The following MARCHF1 variants were observed in gnomAD, a reference collection of about 807,000 sequenced individuals.
MARCHF1 encodes E3 ubiquitin-protein ligase MARCHF1.
Under a neutral mutation model 54.2 loss-of-function variants are expected in MARCHF1, and 40 were observed. That is an observed-to-expected ratio of 0.74 (90% CI 0.57 to 0.96). The LOEUF is 0.96. Ranked by LOEUF, MARCHF1 falls within the 40% of genes least tolerant of loss-of-function variation. The pLI is 0.00. For missense variants in MARCHF1, 586 were observed against 656.5 expected (o/e 0.89, Z 1.17); for synonymous variants, 236 against 236.3 (o/e 1.00, Z 0.01).
intron 1 of MARCHF1, among the ~76,000 whole-genome samples, chr4:164,322,622 C>T (rs1735171362): frequency 6.6e-6 from 1 of 151,978 alleles, no homozygotes; most frequent in African/African-American, 2.4e-5. Context: ...ATGGATACTC[C>T]ATTCTTCATG....
intron 1 of MARCHF1, among the ~76,000 whole-genome samples, chr4:164,281,498 G>T (rs1734024904): frequency 6.6e-6 from 1 of 152,090 alleles, no homozygotes; most frequent in Non-Finnish European, 1.5e-5. Context: ...TGAGAGATAA[G>T]TCTAAGTGTT....
chr4:164,106,984 G>C lies in MARCHF1; in HGVS notation c.-248+4604C>G, dbSNP rs144905381. Among the ~76,000 whole-genome samples the C allele has an allele frequency of 7.0e-3, 1,062 of 152,172 alleles. 12 individuals carry two copies. The highest frequency in any genetic ancestry group is 0.014 in the East Asian group (73 of 5,164). On this transcript the variant is annotated intron_variant, in intron 2 of 9. Transcript: ENST00000514618. ...GATCTTTGCTATAGTTTACAAAGTC[G>C]TATTGAGGATACAGGCTATTATGTT...
intron 3 of MARCHF1, among the ~76,000 whole-genome samples, chr4:163,988,047 T>C (rs1375454632): frequency 6.6e-6 from 1 of 152,190 alleles, no homozygotes; most frequent in African/African-American, 2.4e-5. Flanking sequence ...ATGTATTCAG[T>C]GTCATAACTG....
chr4:164,049,845 T>A (rs1754321531), intron 2 of MARCHF1, among the ~76,000 whole-genome samples: 1 of 152,210 alleles, frequency 6.6e-6, no homozygotes, highest in South Asian at 2.1e-4. Context: ...CAGGCATATA[T>A]TTATAGTATG....
chr4:163,763,890 T>C (rs998442659), intron 4 of MARCHF1, among the ~76,000 whole-genome samples: 16 of 152,198 alleles, frequency 1.1e-4, no homozygotes, highest in East Asian at 7.7e-4. Flanking sequence ...TTTGTAAATG[T>C]GTGTTTTTTT....
chr4:163,980,084 G>T (rs1295937963), intron 3 of MARCHF1, among the ~76,000 whole-genome samples: 1 of 148,526 alleles, frequency 6.7e-6, no homozygotes, highest in Non-Finnish European at 1.5e-5. Flanking sequence ...AAAGAACAAA[G>T]CTGGAGGCAT....
At chr4:163,666,218 T>C (rs1743526887) in intron 5 of MARCHF1, among the ~76,000 whole-genome samples, 1 of 152,130 alleles carries the variant, frequency 6.6e-6, no homozygotes, top group African/African-American at 2.4e-5. Context: ...AACGTGTCAT[T>C]TGATACTATC....
chr4:164,019,651 T>C (rs954834809), intron 2 of MARCHF1, among the ~76,000 whole-genome samples: 3 of 152,192 alleles, frequency 2.0e-5, no homozygotes, highest in African/African-American at 7.2e-5. Flanking sequence ...AAATGGTGAT[T>C]GCAAAGGTTA....
chr4:163,831,745 T>A (rs1283106089), intron 4 of MARCHF1, among the ~76,000 whole-genome samples: 1 of 152,198 alleles, frequency 6.6e-6, no homozygotes, highest in Non-Finnish European at 1.5e-5. Context: ...CATTGGAAGA[T>A]AATAGAAATG....
chr4:164,163,514 C>A (rs1730294786), intron 1 of MARCHF1, among the ~76,000 whole-genome samples: 1 of 151,354 alleles, frequency 6.6e-6, no homozygotes, highest in African/African-American at 2.4e-5. Flanking sequence ...GAATAGAAAA[C>A]CAATCAATTA....
chr4:163,986,128 A>C lies in MARCHF1; in HGVS notation c.-39+2373T>G, dbSNP rs542899318. Reference sequence around the variant, plus strand: ...AAAACTTTTAACTACATCCTATAGAAAACCAAGAAGCATTTGAAACATTAT... The same window carrying C: ...AAAACTTTTAACTACATCCTATAGACAACCAAGAAGCATTTGAAACATTAT... On this transcript the variant is annotated intron_variant, in intron 3 of 9. Coordinates refer to ENST00000514618, the MANE Select transcript of MARCHF1 (RefSeq NM_001394959.1). Among the ~76,000 whole-genome samples the C allele has an allele frequency of 5.5e-4, 84 of 152,014 alleles. 1 individual carries two copies. In the South Asian group the frequency reaches 0.017, roughly 31 times the overall value.
intron 1 of MARCHF1, among the ~76,000 whole-genome samples, chr4:164,296,044 C>T (rs574051251): frequency 2.0e-4 from 30 of 152,170 alleles, no homozygotes; most frequent in Middle Eastern, 3.4e-3. Flanking sequence ...GTCTCTTAAA[C>T]GGAAATTCCC....
chr4:164,122,758 AGAT>A (rs1199825012), intron 1 of MARCHF1, among the ~76,000 whole-genome samples: 3 of 152,030 alleles, frequency 2.0e-5, no homozygotes, highest in Non-Finnish European at 2.9e-5. Context: ...TCCTGGCTCA[AGAT>A]GATGAACCCC....
At chr4:164,331,893 G>A (rs41509150) in intron 1 of MARCHF1, among the ~76,000 whole-genome samples, 15,999 of 152,064 alleles carry the variant, frequency 0.11, 949 homozygotes, top group African/African-American at 0.14. Context: ...TGTGCTTATC[G>A]TTTAGAAATC....
intron 3 of MARCHF1, among the ~76,000 whole-genome samples, chr4:163,982,618 G>T (rs990177169): frequency 6.6e-6 from 1 of 152,142 alleles, no homozygotes; most frequent in East Asian, 1.9e-4. Context: ...TTGGAAAATT[G>T]TTTGGTTTTT....
intron 4 of MARCHF1, among the ~76,000 whole-genome samples, chr4:163,790,227 A>G (rs773158614): frequency 1.2e-4 from 18 of 152,104 alleles, no homozygotes; most frequent in Non-Finnish European, 2.9e-5. Flanking sequence ...GCTTAATAGT[A>G]CTTTATTTTC....
At chr4:163,552,326 T>C (rs1056143245) in intron 8 of MARCHF1, among the ~76,000 whole-genome samples, 8 of 152,132 alleles carry the variant, frequency 5.3e-5, no homozygotes, top group African/African-American at 1.9e-4. Context: ...AACCCAAATA[T>C]AGACAGCAAA....
intron 4 of MARCHF1, among the ~76,000 whole-genome samples, chr4:163,748,697 A>C (rs954650466): frequency 6.6e-6 from 1 of 152,230 alleles, no homozygotes; most frequent in Admixed American, 6.5e-5. Context: ...TCGCCTTTCA[A>C]GCCTATGTGA....
chr4:163,746,998 C>T (rs1746382181), intron 4 of MARCHF1, among the ~76,000 whole-genome samples: 1 of 152,168 alleles, frequency 6.6e-6, no homozygotes, highest in African/African-American at 2.4e-5. Flanking sequence ...TGAACTTGAT[C>T]AGCAGTTTCT....
Sources: allele counts gnomAD v4.1 joint callset (sites outside exome capture counted in the v4.1 genomes callset), GRCh38; gene constraint gnomAD v4.1.1; transcripts MANE v1.5; gene names NCBI Gene and HGNC (gene_info 2026-07-23, HGNC 2026-07-21).